WDR86: variants seen among roughly 807,000 people sequenced by gnomAD.
WDR86 encodes the protein WD repeat domain 86, also known as WD repeat-containing protein 86.
Under a neutral mutation model 36.5 loss-of-function variants are expected in WDR86, and 30 were observed. The observed-to-expected ratio is 0.82, with a 90% CI of 0.61 to 1.11. The LOEUF is 1.11. WDR86 is among the 50% of genes most tolerant of loss of function. The pLI, the probability that WDR86 is intolerant of heterozygous loss-of-function variation, is 0.00. For missense variants in WDR86, 545 were observed against 561.2 expected (o/e 0.97, Z 0.29); for synonymous variants, 255 against 252.9 (o/e 1.01, Z -0.08).
At chr7:151,393,199 A>G (rs1799561882) in intron 3 of WDR86, among the ~76,000 whole-genome samples, 1 of 152,120 alleles carries the variant, frequency 6.6e-6, no homozygotes, top group Non-Finnish European at 1.5e-5. Context: ...CTGTGTTCAC[A>G]CGTGTGTTCA....
chr7:151,398,693 T>C (rs1278526547), intron 2 of WDR86, among the ~76,000 whole-genome samples: 2 of 151,982 alleles, frequency 1.3e-5, no homozygotes, highest in Non-Finnish European at 2.9e-5. Context: ...ATGGTGTATA[T>C]GTATGTTGTG....
At chr7:151,402,064 A>T (rs1275990841) in intron 1 of WDR86, among the ~76,000 whole-genome samples, 13 of 71,426 alleles carry the variant, frequency 1.8e-4, no homozygotes, top group African/African-American at 2.0e-4. Flanking sequence ...AAAAAAAAAA[A>T]AAAAAAATAT....
downstream of WDR86, chr7:151,376,684 G>T (rs1189885847): frequency 5.0e-6 from 8 of 1,611,218 alleles, no homozygotes; most frequent in Admixed American, 1.7e-5. Flanking sequence ...CGCTGAGAGT[G>T]TTCAGAGGCA....
At chr7:151,397,158 T>A (rs1298465108) in intron 2 of WDR86, among the ~76,000 whole-genome samples, 1 of 152,202 alleles carries the variant, frequency 6.6e-6, no homozygotes. Flanking sequence ...GGTGCATCCC[T>A]GCCGGGGTGG....
intron 3 of WDR86, among the ~76,000 whole-genome samples, chr7:151,394,500 C>T (rs541935626): frequency 2.8e-4 from 43 of 152,206 alleles, no homozygotes; most frequent in Non-Finnish European, 5.3e-4. Flanking sequence ...GCACCCCAAC[C>T]GCTTGCCGCA....
At chr7:151,392,900 G>GC (rs1799535254) in intron 3 of WDR86, among the ~76,000 whole-genome samples, 1 of 152,044 alleles carries the variant, frequency 6.6e-6, no homozygotes, top group Non-Finnish European at 1.5e-5. Flanking sequence ...CGTCTCCAGA[G>GC]CCCCCCATTC....
chr7:151,388,092 A>G lies in WDR86; in HGVS notation c.727-2869T>C, dbSNP rs563538595. ...GGCTCCTCAGGGTTGGGTGAGACTC[A>G]TGAACTGGTACGACAGGGCTTTTGC... On this transcript the variant is annotated intron_variant, in intron 3 of 5. Transcript: ENST00000334493. This position sits in a 1 kb window ranked among gnomAD's most constrained non-coding sequence, Gnocchi z 4.2. Among the ~76,000 whole-genome samples, 16 of 152,322 alleles carry G rather than the reference A, an allele frequency of 1.1e-4. No homozygotes were observed. The highest frequency in any genetic ancestry group is 9.2e-4 in the Admixed American group (14 of 15,300).
upstream of WDR86, chr7:151,410,155 C>A (rs1584809943): frequency 2.3e-6 from 2 of 887,992 alleles, no homozygotes; most frequent in East Asian, 1.2e-4. Context: ...CTGTGCGGGT[C>A]CGGGGGACGG....
chr7:151,381,239 G>A lies in WDR86; in HGVS notation c.*343C>T. On this transcript the variant is annotated 3_prime_UTR_variant, in exon 6 of 6. Transcript: ENST00000334493. The surrounding 1 kb of genome is among the most constrained non-coding windows in gnomAD (Gnocchi z 4.8). Reference sequence around the variant, plus strand: ...AAAGTCACTTCCTCTCAGCAGGAAAGGCCCAGTTTCGTGGGGCTGGGGGAG... The same window carrying A: ...AAAGTCACTTCCTCTCAGCAGGAAAAGCCCAGTTTCGTGGGGCTGGGGGAG... 1.5e-6 allele frequency: 2 copies of A among 1,292,246 alleles called. No homozygotes were observed. Among genetic ancestry groups the A allele is most frequent in the Non-Finnish European group, 2.0e-6 (2 of 1,024,268 alleles). 80.0% of individuals were successfully genotyped at this position (1,292,246 alleles called of 1,614,324 possible).
chr7:151,389,951 A>G (rs1387730824), intron 3 of WDR86, among the ~76,000 whole-genome samples: 1 of 152,200 alleles, frequency 6.6e-6, no homozygotes, highest in African/African-American at 2.4e-5. Context: ...TGTGGGTGCC[A>G]TGTTCCTGAG....
downstream of WDR86, chr7:151,378,014 TAA>T (rs781173003): frequency 1.3e-5 from 2 of 152,266 alleles, no homozygotes; most frequent in Non-Finnish European, 2.9e-5. Flanking sequence ...CACTGCTAGC[TAA>T]GAGACCTATC....
At chr7:151,376,400 T>A (rs1798251858), downstream of WDR86, 1 of 531,786 alleles carries the variant, frequency 1.9e-6, no homozygotes, top group South Asian at 2.7e-5. Context: ...CAGCCCGAGG[T>A]CACTGCCTGT....
In WDR86 at chr7:151,388,546, C is replaced by T. The variant is rs1799157990; in HGVS notation, c.727-3323G>A. On this transcript the variant is annotated intron_variant, in intron 3 of 5. Transcript: ENST00000334493. This position sits in a 1 kb window ranked among gnomAD's most constrained non-coding sequence, Gnocchi z 4.2. The stretch of plus-strand genomic sequence containing the variant: ...GGTCCTCACACCATCTCTGGCCCGA[C>T]CCTCTCCAAAGGAGGCCTGTGTGCT... 6.6e-6 allele frequency among the ~76,000 whole-genome samples: 1 copy of T among 152,210 alleles called. No homozygotes were observed. The highest frequency in any genetic ancestry group is 1.5e-5 in the Non-Finnish European group (1 of 68,028).
In WDR86 at chr7:151,396,105, A is replaced by G. The variant is rs1404770555; in HGVS notation, c.397T>C (p.Phe133Leu). 1 of 1,612,654 alleles carries G rather than the reference A, an allele frequency of 6.2e-7. No homozygotes were observed. ...AGCACGCAGTTGCGGTGGCCCCGGA[A>G]CTCCCGGGACATCTGCCCCTTGTCC... ...SVDKGQMSRE[F>L]RGHRNCVLTL... Residue 133 changes from phenylalanine to leucine, a missense_variant, in exon 3 of 6, where the codon TTC becomes CTC. By Grantham distance (22) the Phe-to-Leu change is conservative. Coordinates refer to ENST00000334493, the MANE Select transcript of WDR86 (RefSeq NM_198285.3).
intron 4 of WDR86, among the ~76,000 whole-genome samples, chr7:151,383,970 C>T (rs1346893355): frequency 1.3e-5 from 2 of 152,196 alleles, no homozygotes; most frequent in African/African-American, 4.8e-5. Context: ...AATTAGAGGA[C>T]CCAGACTTGG....
intron 4 of WDR86, 65 bp from the exon 5 acceptor site, chr7:151,382,046 C>A (rs1299804573): frequency 1.2e-5 from 17 of 1,450,800 alleles, no homozygotes; most frequent in Non-Finnish European, 1.6e-5. Flanking sequence ...AGGGATGGGG[C>A]GGCGAGAGCG....
chr7:151,408,508 A>AT (rs1434923580), intron 1 of WDR86: 1 of 174,834 alleles, frequency 5.7e-6, no homozygotes, highest in Admixed American at 5.4e-5. Context: ...AACTGTTCTT[A>AT]TTTAAAACCA....
chr7:151,406,078 CT>C lies in WDR86; in HGVS notation c.163+3348del, dbSNP rs1173271356. On this transcript the variant is annotated intron_variant, in intron 1 of 5. Coordinates refer to ENST00000334493, the MANE Select transcript of WDR86 (RefSeq NM_198285.3). The surrounding 1 kb of genome is among the most constrained non-coding windows in gnomAD (Gnocchi z 4.4). The stretch of plus-strand genomic sequence containing the variant: ...TAAGCAAGTGGCAAGTAATTCTTCT[CT>C]TTGCAGAGTAATTGCAATGAAGCCT... 6.6e-6 allele frequency among the ~76,000 whole-genome samples: 1 copy of C among 152,220 alleles called. No homozygotes were observed. Among genetic ancestry groups the C allele is most frequent in the Non-Finnish European group, 1.5e-5 (1 of 68,036 alleles).
chr7:151,399,368 G>A (rs921934467), intron 2 of WDR86, among the ~76,000 whole-genome samples: 4 of 151,762 alleles, frequency 2.6e-5, no homozygotes, highest in Non-Finnish European at 5.9e-5. Context: ...TCTGGTCTGC[G>A]CCCCCAGCCC....
Sources: gnomAD v4.1 joint callset for allele counts (sites outside exome capture counted in the v4.1 genomes callset) on GRCh38, gnomAD v4.1.1 for gene constraint, Gnocchi (gnomAD v3.1) non-coding constraint, MANE v1.5 for transcripts, NCBI Gene and HGNC (gene_info 2026-07-23, HGNC 2026-07-21) for gene names.